The following PTPN13 variants were observed in gnomAD, a reference collection of about 807,000 sequenced individuals.
PTPN13 encodes the protein protein tyrosine phosphatase non-receptor type 13, also known as tyrosine-protein phosphatase non-receptor type 13.
PTPN13 carries 191 observed loss-of-function variants against 284.0 expected under a neutral mutation model. That is an observed-to-expected ratio of 0.67 (90% CI 0.60 to 0.76). The LOEUF is 0.76. Ranked by LOEUF, PTPN13 falls within the 30% of genes least tolerant of loss-of-function variation. PTPN13 has a pLI of 0.00. For synonymous variants in PTPN13, 986 were observed against 1,022.3 expected (o/e 0.96, Z 0.68); for missense variants, 2,797 against 2,939.9 (o/e 0.95, Z 1.12).
In PTPN13 at chr4:86,766,498, CACTGAGAAATACAGGACAGGTA is replaced by C; in HGVS notation, c.4313_4329+5del. On this transcript the variant is annotated splice_donor_variant and splice_donor_region_variant and coding_sequence_variant and intron_variant, in exon 27 of 48. Transcript: ENST00000411767. LOFTEE classifies it high-confidence loss of function. ...GCCACCCATAAGCAAGCTGTGGAAA[CACTGAGAAATACAGGACAGGTA>C]ACAGATCATTATACCAACCTTTTAC... 6.2e-7 allele frequency: 1 copy of C among 1,608,748 alleles called. No homozygotes were observed. The highest frequency in any genetic ancestry group is 1.1e-5 in the South Asian group (1 of 89,484).
chr4:86,648,997 A>G (rs896171618), intron 2 of PTPN13, among the ~76,000 whole-genome samples: 2 of 152,106 alleles, frequency 1.3e-5, no homozygotes, highest in African/African-American at 2.4e-5. Flanking sequence ...CATTTTTTAT[A>G]TACTTCTTGG....
intron 1 of PTPN13, among the ~76,000 whole-genome samples, chr4:86,629,475 T>C (rs1330607807): frequency 1.3e-5 from 2 of 151,938 alleles, no homozygotes; most frequent in Non-Finnish European, 2.9e-5. Flanking sequence ...TGTGGAGAAA[T>C]AGGAACACTT....
intron 1 of PTPN13, among the ~76,000 whole-genome samples, chr4:86,609,535 T>A (rs1034702407): frequency 6.6e-6 from 1 of 152,206 alleles, no homozygotes; most frequent in Non-Finnish European, 1.5e-5. Context: ...TGTGAAACTT[T>A]GTATGTACCC....
chr4:86,643,398 T>C (rs936566288), intron 2 of PTPN13, among the ~76,000 whole-genome samples: 3 of 152,144 alleles, frequency 2.0e-5, no homozygotes. Flanking sequence ...ATTTCATTTT[T>C]ATAGTCTTAT....
chr4:86,727,971 T>C (rs1368947953), intron 10 of PTPN13, among the ~76,000 whole-genome samples: 1 of 149,758 alleles, frequency 6.7e-6, no homozygotes, highest in African/African-American at 2.4e-5. Context: ...AATTTCCCTC[T>C]ACACACTGCT....
At chr4:86,697,196 C>T (rs1280645206) in intron 6 of PTPN13, among the ~76,000 whole-genome samples, 1 of 152,054 alleles carries the variant, frequency 6.6e-6, no homozygotes, top group Admixed American at 6.5e-5. Flanking sequence ...GCAAAGCAAC[C>T]TTGTGATACA....
intron 40 of PTPN13, among the ~76,000 whole-genome samples, chr4:86,795,405 A>T (rs1743220336): frequency 6.6e-6 from 1 of 152,170 alleles, no homozygotes. Flanking sequence ...GCTGGAGAGG[A>T]TGTGGAGAAA....
intron 15 of PTPN13, 72 bp from the exon 16 acceptor site, chr4:86,741,562 T>C (rs1284631601): frequency 1.4e-6 from 2 of 1,379,408 alleles, no homozygotes; most frequent in African/African-American, 1.4e-5. Flanking sequence ...CCAAACCATA[T>C]CATACAGCTT....
intron 1 of PTPN13, among the ~76,000 whole-genome samples, chr4:86,600,412 T>G (rs1053373918): frequency 6.9e-6 from 1 of 144,502 alleles, no homozygotes; most frequent in Non-Finnish European, 1.5e-5. Flanking sequence ...TAGATGGTAT[T>G]TTTTTTTTTT....
In PTPN13 at chr4:86,722,415, T is replaced by C. The variant is rs1733776116; in HGVS notation, c.1589T>C (p.Met530Thr). 6.2e-7 allele frequency: 1 copy of C among 1,612,800 alleles called. No homozygotes were observed. ...PLREIALETA[M>T]TQRKLRNFFG... The stretch of plus-strand genomic sequence containing the variant: ...AGAGAAATTGCCCTAGAAACAGCCA[T>C]GACTCAAAGAAAACTGAGGGTAAGT... Residue 530 changes from methionine to threonine, a missense_variant, in exon 10 of 48, where the codon ATG becomes ACG. Transcript: ENST00000411767.
chr4:86,800,704 CAGGGAGGGAGGGAGGGAGGAAGGAAGGA>C (rs1743923319), intron 42 of PTPN13, among the ~76,000 whole-genome samples: 1 of 134,092 alleles, frequency 7.5e-6, no homozygotes, highest in African/African-American at 2.8e-5. Context: ...GGGAAGAAAG[CAGGGAGGGAGGGAGGGAGGAAGGAAGGA>C]AGGGAGGGAG....
chr4:86,663,535 A>G (rs1726750426), intron 2 of PTPN13, among the ~76,000 whole-genome samples: 1 of 152,168 alleles, frequency 6.6e-6, no homozygotes, highest in African/African-American at 2.4e-5. Flanking sequence ...TTCAGAGGAA[A>G]AGGGTGGGAG....
chr4:86,704,321 G>T lies in PTPN13; in HGVS notation c.1195+2520G>T, dbSNP rs141619611. 3.4e-3 allele frequency among the ~76,000 whole-genome samples: 512 copies of T among 152,034 alleles called. 1 individual carries two copies. Among genetic ancestry groups the T allele is most frequent in the African/African-American group, 0.012 (495 of 41,464 alleles). On this transcript the variant is annotated intron_variant, in intron 7 of 47. Transcript: ENST00000411767. ...ATTTTTTTTTTATACTTGAACCTTGGTTTGAGAGTTAAACAGGAAAAACAT... is the reference window on the plus strand; with the variant it reads ...ATTTTTTTTTTATACTTGAACCTTGTTTTGAGAGTTAAACAGGAAAAACAT...
At chr4:86,653,964 G>A (rs1305163779) in intron 2 of PTPN13, among the ~76,000 whole-genome samples, 1 of 152,156 alleles carries the variant, frequency 6.6e-6, no homozygotes. Flanking sequence ...AAAACTCCAG[G>A]ATTTTTAGCT....
chr4:86,726,105 G>T (rs1473842497), intron 10 of PTPN13, among the ~76,000 whole-genome samples: 2 of 149,484 alleles, frequency 1.3e-5, no homozygotes, highest in African/African-American at 4.9e-5. Context: ...TTTTTGTCAG[G>T]TTTGTCAAAG....
At chr4:86,638,956 T>G (rs1294734070) in intron 2 of PTPN13, among the ~76,000 whole-genome samples, 1 of 152,040 alleles carries the variant, frequency 6.6e-6, no homozygotes, top group Non-Finnish European at 1.5e-5. Flanking sequence ...ATATCCAGAA[T>G]CTACAATGAA....
chr4:86,699,318 G>A (rs1279491526), intron 6 of PTPN13, among the ~76,000 whole-genome samples: 1 of 151,938 alleles, frequency 6.6e-6, no homozygotes, highest in Admixed American at 6.6e-5. Context: ...CCTGGGAGGC[G>A]GAGCTTGCAG....
At chr4:86,688,192 C>A (rs1729641461) in intron 4 of PTPN13, among the ~76,000 whole-genome samples, 1 of 152,088 alleles carries the variant, frequency 6.6e-6, no homozygotes, top group South Asian at 2.1e-4. Flanking sequence ...ATTAATAATA[C>A]CCAAATGGAT....
chr4:86,771,442 G>A lies in PTPN13; in HGVS notation c.5075G>A (p.Ser1692Asn). ...TLSNMVSQAQ[S>N]HHEAPKSQED... ...AGCAACATGGTATCACAGGCACAGA[G>A]TCATCATGAAGCACCCAAGAGTCAA... The change falls in exon 31 of 48, where the codon AGT becomes AAT. Residue 1692 changes from serine to asparagine, a missense_variant. Transcript: ENST00000411767. The A allele has an allele frequency of 6.4e-7, 1 of 1,565,672 alleles. No individual in the cohort carries two copies. The highest frequency in any genetic ancestry group is 8.7e-7 in the Non-Finnish European group (1 of 1,153,540).
Sources: gnomAD v4.1 joint callset for allele counts (sites outside exome capture counted in the v4.1 genomes callset) on GRCh38, gnomAD v4.1.1 for gene constraint, MANE v1.5 for transcripts, NCBI Gene and HGNC (gene_info 2026-07-23, HGNC 2026-07-21) for gene names.